The following MIGA1 variants were observed in gnomAD, a reference collection of about 807,000 sequenced individuals.
MIGA1 encodes family with sequence similarity 73, member A.
Under a neutral mutation model 82.0 loss-of-function variants are expected in MIGA1, and 58 were observed. The observed-to-expected ratio is 0.71, with a 90% CI of 0.57 to 0.88. The LOEUF is 0.88. Ranked by LOEUF, MIGA1 falls within the 40% of genes least tolerant of loss-of-function variation. MIGA1 has a pLI of 0.00. For synonymous variants in MIGA1, 249 were observed against 253.6 expected (o/e 0.98, Z 0.17); for missense variants, 751 against 749.1 (o/e 1.00, Z -0.03).
At chr1:77,867,311 G>A (rs958121388) in intron 14 of MIGA1, among the ~76,000 whole-genome samples, 1 of 152,038 alleles carries the variant, frequency 6.6e-6, no homozygotes, top group African/African-American at 2.4e-5. Flanking sequence ...AATAGTAATA[G>A]TATCTACCTC....
At chr1:77,865,026 T>A (rs530183460) in intron 13 of MIGA1, among the ~76,000 whole-genome samples, 4 of 152,230 alleles carry the variant, frequency 2.6e-5, no homozygotes, top group Admixed American at 2.6e-4. Flanking sequence ...TTTGCCTCAA[T>A]TAAGTATGTT....
intron 7 of MIGA1, among the ~76,000 whole-genome samples, chr1:77,842,902 A>G (rs1267015905): frequency 6.6e-6 from 1 of 152,202 alleles, no homozygotes; most frequent in African/African-American, 2.4e-5. Flanking sequence ...TATGTTAATA[A>G]TATAGTTGAT....
At chr1:77,854,421 G>A (rs1024832259) in intron 8 of MIGA1, among the ~76,000 whole-genome samples, 7 of 152,144 alleles carry the variant, frequency 4.6e-5, no homozygotes, top group Non-Finnish European at 8.8e-5. Flanking sequence ...ATACCCAGTC[G>A]TGGGCTTGCC....
Position 77,859,364 on chromosome 1 carries a change from A to T in MIGA1, c.1166A>T (p.His389Leu), listed in dbSNP as rs1339365606. 1.2e-6 allele frequency: 2 copies of T among 1,613,594 alleles called. No homozygotes were observed. Residue 389 changes from histidine to leucine, a missense_variant, in exon 10 of 16, where the codon CAC (histidine) becomes CTC (leucine). This residue lies in a region of MIGA1 where 265 missense variants were observed against 293.6 expected (regional missense o/e 0.90). Transcript: ENST00000370791. ...GACAGTGATTTTCTTGCCAAACTTC[A>T]CTGTATTCGACAGGCTTTTCAGGTA...
chr1:77,810,928 T>G lies in MIGA1; in HGVS notation c.638-2806T>G, dbSNP rs530863280. On this transcript the variant is annotated intron_variant, in intron 5 of 15. Transcript: ENST00000370791. ...TTTCTTGGTCAATAATTGCAATTTC[T>G]TTCTTTTAAAGTCAGTGGGTTTCTT... 1,412 of 1,612,060 alleles carry G rather than the reference T, an allele frequency of 8.8e-4. 33 individuals are homozygous for G. In the South Asian group the frequency reaches 0.015, roughly 17 times the overall value.
intron 7 of MIGA1, among the ~76,000 whole-genome samples, chr1:77,818,867 G>A (rs1401153680): frequency 2.0e-5 from 3 of 151,882 alleles, no homozygotes; most frequent in African/African-American, 7.3e-5. Context: ...ATCACCTGAG[G>A]TCGGGAGTTC....
rs1646889174 is a variant in MIGA1, at chr1:77,875,830, T to A, written c.*766T>A. ...GCAGAGTTCCATGGAAATATTAAAA[T>A]TTTTTTAAAAAATAAAAATAGGCTG... On this transcript the variant is annotated 3_prime_UTR_variant, in exon 16 of 16. Transcript: ENST00000370791. The A allele has an allele frequency of 6.6e-6, 1 of 152,050 alleles. No homozygotes were observed. The highest frequency in any genetic ancestry group is 2.4e-5 in the African/African-American group (1 of 41,390). The allele number at this position is 152,050 out of a possible 1,614,324, so 9.4% of individuals were successfully genotyped here. A position where few individuals can be genotyped will look rare whatever the true frequency, so the allele number is the denominator to read the frequency against.
At chr1:77,874,810 TG>T (rs1184179733) in intron 15 of MIGA1, 35 bp from the exon 16 acceptor site, 1 of 1,451,250 alleles carries the variant, frequency 6.9e-7, no homozygotes, top group Non-Finnish European at 9.6e-7. Flanking sequence ...AACTTAATTT[TG>T]GTCTAATAAA....
chr1:77,858,861 C>G (rs1371747783), intron 8 of MIGA1, 77 bp from the exon 9 acceptor site: 23 of 777,078 alleles, frequency 3.0e-5, no homozygotes, highest in Non-Finnish European at 4.4e-5. Flanking sequence ...TTCAAATGAT[C>G]CTCCCAAAGT....
intron 7 of MIGA1, among the ~76,000 whole-genome samples, chr1:77,824,639 T>C (rs1179271262): frequency 6.6e-6 from 1 of 152,240 alleles, no homozygotes; most frequent in Non-Finnish European, 1.5e-5. Flanking sequence ...TAATATTTTG[T>C]GTTTTAAAAG....
chr1:77,847,373 C>A, intron 8 of MIGA1: 2 of 1,061,754 alleles, frequency 1.9e-6, no homozygotes, highest in Non-Finnish European at 3.0e-6. Flanking sequence ...AGGAGGAAAA[C>A]AATACTAAAT....
At chr1:77,836,559 A>G (rs1169425958) in intron 7 of MIGA1, among the ~76,000 whole-genome samples, 1 of 152,224 alleles carries the variant, frequency 6.6e-6, no homozygotes, top group Non-Finnish European at 1.5e-5. Context: ...AGTAATAGAA[A>G]AAATTATTTT....
intron 2 of MIGA1, among the ~76,000 whole-genome samples, chr1:77,792,342 G>A (rs897804609): frequency 1.3e-5 from 2 of 152,150 alleles, no homozygotes; most frequent in Admixed American, 6.5e-5. Context: ...TCTCCCTGTA[G>A]AGGAGAATTC....
chr1:77,847,957 C>T (rs1186752876), intron 8 of MIGA1: 2 of 1,253,576 alleles, frequency 1.6e-6, no homozygotes, highest in Non-Finnish European at 2.3e-6. Context: ...TCGTAGAGAC[C>T]CCTGAGAATC....
chr1:77,787,178 A>G (rs887864321), intron 2 of MIGA1, among the ~76,000 whole-genome samples: 3 of 152,162 alleles, frequency 2.0e-5, no homozygotes, highest in Non-Finnish European at 2.9e-5. Flanking sequence ...ACTTGTCCCC[A>G]TGATTCAATT....
At chr1:77,819,080 CAAAAA>C (rs745979095) in intron 7 of MIGA1, among the ~76,000 whole-genome samples, 2 of 63,328 alleles carry the variant, frequency 3.2e-5, no homozygotes, top group African/African-American at 6.1e-5. Flanking sequence ...AACTCTGTCC[CAAAAA>C]AAAAAAAAAA....
intron 7 of MIGA1, among the ~76,000 whole-genome samples, chr1:77,828,654 G>T (rs899053750): frequency 2.0e-5 from 3 of 152,116 alleles, no homozygotes; most frequent in Admixed American, 2.0e-4. Flanking sequence ...CTGCCAGTAA[G>T]TCTGTTTGTC....
chr1:77,818,036 G>C (rs7556227), intron 7 of MIGA1, among the ~76,000 whole-genome samples: 1 of 147,410 alleles, frequency 6.8e-6, no homozygotes, highest in African/African-American at 2.5e-5. Flanking sequence ...GCTTACTACA[G>C]CCTCTGCCTC....
chr1:77,795,600 G>A (rs1046266665), intron 2 of MIGA1, among the ~76,000 whole-genome samples: 13 of 150,546 alleles, frequency 8.6e-5, no homozygotes, highest in Admixed American at 4.0e-4. Flanking sequence ...CCAGAGGTGT[G>A]AGCCACCATG....
Sources: gnomAD v4.1 joint callset for allele counts (sites outside exome capture counted in the v4.1 genomes callset) on GRCh38, gnomAD v4.1.1 for gene constraint, gnomAD v4.1.1 regional missense constraint, MANE v1.5 for transcripts, NCBI Gene and HGNC (gene_info 2026-07-23, HGNC 2026-07-21) for gene names.